The following DNAJC21 variants were observed in gnomAD, a reference collection of about 807,000 sequenced individuals.
DNAJC21 encodes DnaJ heat shock protein family (Hsp40) member C21, also known as dnaJ homolog subfamily C member 21.
In DNAJC21, 63 loss-of-function variants were observed where a neutral mutation model predicts 72.4. That is an observed-to-expected ratio of 0.87 (90% CI 0.71 to 1.07). The LOEUF (loss-of-function observed/expected upper bound fraction) is 1.07. DNAJC21 is among the 50% of genes least tolerant of loss of function. DNAJC21 has a pLI of 0.00. For missense variants in DNAJC21, 634 were observed against 644.8 expected (o/e 0.98, Z 0.18); for synonymous variants, 203 against 216.7 (o/e 0.94, Z 0.56).
Position 34,958,481 on chromosome 5 carries a change from A to G in DNAJC21, c.*3767A>G, listed in dbSNP as rs1050237242. On this transcript the variant is annotated 3_prime_UTR_variant, in exon 12 of 12. Transcript: ENST00000648817. ...CTTTTAAATGAGAATCTATAAGGTT[A>G]TTTTCATGATTTTGCAAATGGGAAG... The G allele has an allele frequency of 1.3e-5, 2 of 152,232 alleles. No individual in the cohort carries two copies. Among genetic ancestry groups the G allele is most frequent in the African/African-American group, 4.8e-5 (2 of 41,454 alleles). The allele number at this position is 152,232 out of a possible 1,614,324, so 9.4% of individuals were successfully genotyped here.
intron 1 of DNAJC21, among the ~76,000 whole-genome samples, chr5:34,931,780 C>G (rs1195680247): frequency 6.6e-6 from 1 of 151,984 alleles, no homozygotes; most frequent in Admixed American, 6.6e-5. Flanking sequence ...CCAAGCCAGG[C>G]TTGGGGTCAG....
chr5:34,954,075 A>G, intron 11 of DNAJC21, 74 bp downstream of exon 11: 1 of 1,389,232 alleles, frequency 7.2e-7, no homozygotes, highest in South Asian at 1.5e-5. Flanking sequence ...AAAGATGGAA[A>G]TGTGTATTTG....
At chr5:34,940,944 G>C in intron 6 of DNAJC21, 152 bp from the exon 7 acceptor site, 1 of 618,892 alleles carries the variant, frequency 1.6e-6, no homozygotes, top group Non-Finnish European at 2.9e-6. Context: ...TTTCCTTATA[G>C]TACAGTGCTG....
intron 6 of DNAJC21, among the ~76,000 whole-genome samples, chr5:34,940,023 A>G (rs1006799322): frequency 1.3e-5 from 2 of 152,208 alleles, no homozygotes; most frequent in Non-Finnish European, 2.9e-5. Flanking sequence ...GAGGTGGCCT[A>G]ATTTCCATCG....
At chr5:34,951,986 G>A in intron 10 of DNAJC21, 1 of 985,410 alleles carries the variant, frequency 1.0e-6, no homozygotes, top group Non-Finnish European at 1.2e-6. Flanking sequence ...AGCTAAGATA[G>A]ATACATTATA....
At position 34,944,771 on chromosome 5, in the gene DNAJC21, A is replaced by G; in HGVS notation, c.984-96A>G. On this transcript the variant is annotated intron_variant, in intron 7 of 11. Coordinates refer to ENST00000648817, the MANE Select transcript of DNAJC21 (RefSeq NM_001012339.3). Reference sequence around the variant, plus strand: ...CAGAAACGTTTTGCTTAGTGGGAAAAAAGCTAATTTTATCTTGGTTGCAGT... The same window carrying G: ...CAGAAACGTTTTGCTTAGTGGGAAAGAAGCTAATTTTATCTTGGTTGCAGT... The G allele has an allele frequency of 2.6e-6, 4 of 1,539,102 alleles. No individual in the cohort carries two copies. In the South Asian group the frequency reaches 4.9e-5, roughly 19 times the overall value.
intron 9 of DNAJC21, among the ~76,000 whole-genome samples, chr5:34,946,355 A>G (rs528243997): frequency 6.6e-6 from 1 of 152,264 alleles, no homozygotes; most frequent in Non-Finnish European, 1.5e-5. Context: ...AAATGGTATT[A>G]TGTTGTTATA....
intron 9 of DNAJC21, chr5:34,949,456 A>G: frequency 6.5e-7 from 1 of 1,530,748 alleles, no homozygotes; most frequent in Non-Finnish European, 8.8e-7. Flanking sequence ...AGTAATTGGT[A>G]AATTTGAATG....
rs1298919483 is a variant in DNAJC21, at chr5:34,950,324, C to CA, written c.1345dup (p.Ser449LysfsTer2). On this transcript the variant is annotated frameshift_variant, in exon 10 of 12. Transcript: ENST00000648817. LOFTEE classifies it high-confidence loss of function. ...GAGATCATTAAACCATGTGATGATC[C>CA]AAAAAGTGAAGCTAAAAGGTAAGTC... 1 of 1,606,162 alleles carries CA rather than the reference C, an allele frequency of 6.2e-7. No homozygotes were observed. Among genetic ancestry groups the CA allele is most frequent in the African/African-American group, 1.3e-5 (1 of 74,492 alleles).
At chr5:34,950,080 G>A (rs533598218) in intron 9 of DNAJC21, 90 bp from the exon 10 acceptor site, 16 of 1,355,798 alleles carry the variant, frequency 1.2e-5, no homozygotes, top group South Asian at 7.1e-5. Flanking sequence ...TTTATTTCCC[G>A]AAGGTATATA....
chr5:34,935,915 C>G, intron 3 of DNAJC21, 82 bp downstream of exon 3: 1 of 1,572,556 alleles, frequency 6.4e-7, no homozygotes, highest in South Asian at 1.1e-5. Context: ...TAAAACTATT[C>G]TGTAATAGAA....
chr5:34,940,164 C>T (rs1270698767), intron 6 of DNAJC21, among the ~76,000 whole-genome samples: 2 of 152,122 alleles, frequency 1.3e-5, no homozygotes, highest in Non-Finnish European at 2.9e-5. Flanking sequence ...CTCTGAGAAG[C>T]TATGAGATGT....
rs1765593690 is a variant in DNAJC21, at chr5:34,958,330, G to A, written c.*3616G>A. The A allele has an allele frequency of 6.6e-6, 1 of 152,162 alleles. No homozygotes were observed. The highest frequency in any genetic ancestry group is 2.4e-5 in the African/African-American group (1 of 41,440). 9.4% of individuals were successfully genotyped at this position (152,162 alleles called of 1,614,324 possible). On this transcript the variant is annotated 3_prime_UTR_variant, in exon 12 of 12. Coordinates refer to ENST00000648817, the MANE Select transcript of DNAJC21 (RefSeq NM_001012339.3). ...GACGAGAATAAAGAGCCCAGAAACA[G>A]GTCCATGTTTATATGGGAACTTGAT...
At chr5:34,939,298 G>T (rs529685248) in intron 6 of DNAJC21, among the ~76,000 whole-genome samples, 1 of 150,424 alleles carries the variant, frequency 6.6e-6, no homozygotes, top group South Asian at 2.1e-4. Context: ...TCGCTCTGTC[G>T]CCCAGGCCGG....
intron 6 of DNAJC21, among the ~76,000 whole-genome samples, chr5:34,939,909 A>G (rs1447872159): frequency 6.6e-6 from 1 of 152,176 alleles, no homozygotes; most frequent in Non-Finnish European, 1.5e-5. Flanking sequence ...AAAATGATAA[A>G]CTTTTATTTA....
chr5:34,952,682 AATG>A (rs1303527990), intron 10 of DNAJC21: 1 of 152,176 alleles, frequency 6.6e-6, no homozygotes, highest in East Asian at 1.9e-4. Flanking sequence ...TTCTGATCTA[AATG>A]GTATGGTGGG....
At chr5:34,934,105 CAT>C (rs140502074) in intron 2 of DNAJC21, among the ~76,000 whole-genome samples, 197 bp downstream of exon 2, 4,703 of 152,242 alleles carry the variant, frequency 0.031, 115 homozygotes, top group Non-Finnish European at 0.045. Flanking sequence ...TATCTGATAT[CAT>C]AGGGGGTGAA....
intron 9 of DNAJC21, among the ~76,000 whole-genome samples, chr5:34,948,681 A>G (rs1392599822): frequency 2.0e-5 from 3 of 152,190 alleles, no homozygotes; most frequent in African/African-American, 4.8e-5. Context: ...CTTGGCCAAC[A>G]TAGTGAAACC....
chr5:34,958,008 G>A lies in DNAJC21; in HGVS notation c.*3294G>A, dbSNP rs2112117936. 6.6e-6 allele frequency: 1 copy of A among 152,252 alleles called. No individual in the cohort carries two copies. The highest frequency in any genetic ancestry group is 1.5e-5 in the Non-Finnish European group (1 of 68,014). The allele number at this position is 152,252 out of a possible 1,614,324, so 9.4% of individuals were successfully genotyped here. ...ATTAGAGGTGATTTTCAGATTTCTT[G>A]TTCTATGGAAGAGGAAGCTGAGCTC... On this transcript the variant is annotated 3_prime_UTR_variant, in exon 12 of 12. Coordinates refer to ENST00000648817, the MANE Select transcript of DNAJC21 (RefSeq NM_001012339.3).
Sources: allele counts gnomAD v4.1 joint callset (sites outside exome capture counted in the v4.1 genomes callset), GRCh38; gene constraint gnomAD v4.1.1; transcripts MANE v1.5; gene names NCBI Gene and HGNC (gene_info 2026-07-23, HGNC 2026-07-21).